Variants in GALK2 observed in about 807,000 individuals in gnomAD.
GALK2 encodes N-acetylgalactosamine kinase.
In GALK2, 36 loss-of-function variants were observed where a neutral mutation model predicts 52.4. That is an observed-to-expected ratio of 0.69 (90% CI 0.53 to 0.91). GALK2 has a LOEUF of 0.91. GALK2 is among the 40% of genes least tolerant of loss of function. The pLI is 0.00. For missense variants in GALK2, 579 were observed against 559.1 expected (o/e 1.04, Z -0.36); for synonymous variants, 176 against 199.1 (o/e 0.88, Z 0.98).
chr15:49,367,417 TTATATTAAAGCAAAGCTTTAAAAAGGA>T, intron 3 of GALK2: 1 of 1,497,588 alleles, frequency 6.7e-7, no homozygotes, highest in Non-Finnish European at 8.9e-7. Flanking sequence ...TTGAAAGAAA[TTATATTAAAGCAAAGCTTTAAAAAGGA>T]TATGGTTCCT....
chr15:49,186,534 A>AT (rs1281912717), intron 1 of GALK2, among the ~76,000 whole-genome samples: 3 of 138,262 alleles, frequency 2.2e-5, no homozygotes, highest in Admixed American at 7.1e-5. Context: ...ATTGTCCTGA[A>AT]TTTTTTTCTT....
chr15:49,266,291 G>T (rs1163245223), intron 5 of GALK2, among the ~76,000 whole-genome samples: 1 of 152,032 alleles, frequency 6.6e-6, no homozygotes, highest in Non-Finnish European at 1.5e-5. Flanking sequence ...ATTGAGCAAA[G>T]CAAGTTTTAT....
intron 1 of GALK2, among the ~76,000 whole-genome samples, chr15:49,175,942 T>C (rs2085418773): frequency 6.6e-6 from 1 of 152,160 alleles, no homozygotes; most frequent in African/African-American, 2.4e-5. Flanking sequence ...CCCCTTAGAG[T>C]TGTGATCCCT....
chr15:49,234,770 C>A (rs2090701142), intron 3 of GALK2, among the ~76,000 whole-genome samples: 1 of 145,114 alleles, frequency 6.9e-6, no homozygotes, highest in African/African-American at 2.5e-5. Context: ...ATATCAGATA[C>A]TTTTTTTTTT....
chr15:49,281,086 C>T (rs2032625769), intron 5 of GALK2, among the ~76,000 whole-genome samples: 1 of 152,198 alleles, frequency 6.6e-6, no homozygotes, highest in South Asian at 2.1e-4. Flanking sequence ...CCGCCCACCT[C>T]GGCCTCCCAA....
At chr15:49,366,252 A>C (rs776661062) in intron 3 of GALK2, 1 of 786,552 alleles carries the variant, frequency 1.3e-6, no homozygotes, top group African/African-American at 1.7e-5. Flanking sequence ...ATATCTATAA[A>C]GTCTTTGTCA....
chr15:49,317,647 T>A (rs2036528314), intron 8 of GALK2, among the ~76,000 whole-genome samples: 1 of 152,208 alleles, frequency 6.6e-6, no homozygotes, highest in South Asian at 2.1e-4. Flanking sequence ...TAGCAAAGAC[T>A]TGGAACCAAC....
intron 8 of GALK2, among the ~76,000 whole-genome samples, chr15:49,307,214 C>T (rs763475082): frequency 2.0e-5 from 3 of 152,084 alleles, no homozygotes; most frequent in Non-Finnish European, 2.9e-5. Context: ...TGCATGCTGC[C>T]AGTGGACAGG....
chr15:49,344,092 T>C (rs985246287), intron 3 of GALK2: 10 of 152,210 alleles, frequency 6.6e-5, no homozygotes, highest in Admixed American at 1.3e-4. Context: ...TTTTAAATAA[T>C]TGAAGCAGCG....
At chr15:49,218,200 G>T (rs899999427) in intron 3 of GALK2, among the ~76,000 whole-genome samples, 3 of 152,194 alleles carry the variant, frequency 2.0e-5, no homozygotes, top group South Asian at 2.1e-4. Context: ...AGACGTAGAA[G>T]TTTTTTACTT....
chr15:49,318,504 T>C (rs1452611490), intron 8 of GALK2, among the ~76,000 whole-genome samples: 1 of 152,176 alleles, frequency 6.6e-6, no homozygotes, highest in African/African-American at 2.4e-5. Context: ...TTCCTATATA[T>C]CAAATTGCCT....
intron 2 of GALK2, among the ~76,000 whole-genome samples, chr15:49,214,594 C>G (rs1477065703): frequency 1.3e-5 from 2 of 151,300 alleles, no homozygotes; most frequent in Non-Finnish European, 2.9e-5. Flanking sequence ...CCTGCCTTGT[C>G]CTCCCAAAGT....
chr15:49,213,294 A>C (rs559861422), intron 2 of GALK2, among the ~76,000 whole-genome samples: 1 of 152,286 alleles, frequency 6.6e-6, no homozygotes, highest in East Asian at 1.9e-4. Flanking sequence ...TTATTTATGC[A>C]TAACTACTCT....
chr15:49,287,266 G>A (rs768402680), intron 7 of GALK2, among the ~76,000 whole-genome samples: 2 of 152,118 alleles, frequency 1.3e-5, no homozygotes, highest in South Asian at 2.1e-4. Flanking sequence ...CCCAATTGAC[G>A]TAGATAAACA....
intron 1 of GALK2, among the ~76,000 whole-genome samples, chr15:49,171,507 A>G (rs2085093811): frequency 6.6e-6 from 1 of 152,146 alleles, no homozygotes; most frequent in Non-Finnish European, 1.5e-5. Flanking sequence ...CTTTACTACA[A>G]CTTGAAAATG....
intron 5 of GALK2, among the ~76,000 whole-genome samples, chr15:49,268,597 G>A (rs1009945530): frequency 2.0e-5 from 3 of 152,232 alleles, no homozygotes; most frequent in African/African-American, 7.2e-5. Context: ...GCAGGCTGCT[G>A]TTTGGTCCAG....
At chr15:49,238,842 A>G (rs1219008737) in intron 4 of GALK2, among the ~76,000 whole-genome samples, 2 of 152,196 alleles carry the variant, frequency 1.3e-5, no homozygotes, top group African/African-American at 4.8e-5. Flanking sequence ...AGATAATTGT[A>G]TATTTCTTGT....
intron 5 of GALK2, among the ~76,000 whole-genome samples, chr15:49,259,626 T>C (rs2091995424): frequency 6.7e-6 from 1 of 149,848 alleles, no homozygotes; most frequent in Non-Finnish European, 1.5e-5. Flanking sequence ...ATGTGCACAA[T>C]GTGCAGGTTA....
rs533429248 is a variant in GALK2 at position 49,194,910 on chromosome 15, G to A, written c.54-6252G>A. 5.3e-5 allele frequency among the ~76,000 whole-genome samples: 8 copies of A among 152,022 alleles called. No individual in the cohort carries two copies. The South Asian group carries it at 1.5e-3, about 28-fold the overall frequency. On this transcript the variant is annotated intron_variant, in intron 1 of 9. Coordinates refer to ENST00000560031, the MANE Select transcript of GALK2 (RefSeq NM_002044.4). ...GTGCCTGGCTACATATTTGTTTTTCGTAAGGTCTTTTTAGCTAACTTGTCT... is the reference window on the plus strand; with the variant it reads ...GTGCCTGGCTACATATTTGTTTTTCATAAGGTCTTTTTAGCTAACTTGTCT...
Sources: gnomAD v4.1 joint callset for allele counts (sites outside exome capture counted in the v4.1 genomes callset) on GRCh38, gnomAD v4.1.1 for gene constraint, MANE v1.5 for transcripts, NCBI Gene and HGNC (gene_info 2026-07-23, HGNC 2026-07-21) for gene names.